Variants in ADGRL3 observed in about 807,000 individuals in gnomAD.
ADGRL3 encodes the protein calcium-independent alpha-latrotoxin receptor 3.
Under a neutral mutation model 153.5 loss-of-function variants are expected in ADGRL3, and 62 were observed. The observed-to-expected ratio is 0.40, with a 90% CI of 0.33 to 0.50. The LOEUF (loss-of-function observed/expected upper bound fraction) is 0.50, where lower values mean the gene tolerates loss of function less well. ADGRL3 is among the 20% of genes least tolerant of loss of function. The probability of loss-of-function intolerance (pLI) is 0.47; values close to 1 mark genes in which losing one functional copy is unlikely to be tolerated. For synonymous variants in ADGRL3, 710 were observed against 672.5 expected, an observed-to-expected ratio of 1.06 and a Z score of -0.86; for missense variants, 1,641 against 1,859.4, an observed-to-expected ratio of 0.88 and a Z score of 2.16.
At chr4:61,854,400 AATTTG>A (rs1171080220) in intron 9 of ADGRL3, among the ~76,000 whole-genome samples, 1 of 152,234 alleles carries the variant, frequency 6.6e-6, no homozygotes, top group Non-Finnish European at 1.5e-5. Flanking sequence ...CTCAAAAAAT[AATTTG>A]ATAGGAATAT....
intron 1 of ADGRL3, among the ~76,000 whole-genome samples, chr4:61,321,312 C>T (rs192735177): frequency 2.0e-5 from 3 of 151,932 alleles, no homozygotes; most frequent in African/African-American, 7.3e-5. Context: ...AGTTGGTAGT[C>T]CCAGCGTTTC....
At chr4:61,645,636 A>G (rs1355785803) in intron 5 of ADGRL3, among the ~76,000 whole-genome samples, 1 of 152,136 alleles carries the variant, frequency 6.6e-6, no homozygotes, top group African/African-American at 2.4e-5. Flanking sequence ...TGGCTTGTAG[A>G]GTTTCTGCCG....
chr4:61,613,649 C>T (rs530308277), intron 5 of ADGRL3, among the ~76,000 whole-genome samples: 1 of 152,256 alleles, frequency 6.6e-6, no homozygotes, highest in East Asian at 1.9e-4. Context: ...GAGATTGAGG[C>T]AGGAGAATCT....
chr4:61,960,072 A>G (rs2098982214), intron 17 of ADGRL3, among the ~76,000 whole-genome samples: 1 of 152,198 alleles, frequency 6.6e-6, no homozygotes. Flanking sequence ...AAAACGTAAG[A>G]TTTTATTACA....
intron 5 of ADGRL3, among the ~76,000 whole-genome samples, chr4:61,630,408 T>C (rs1274820999): frequency 1.3e-5 from 2 of 152,228 alleles, no homozygotes; most frequent in Non-Finnish European, 2.9e-5. Context: ...AGAAATATTT[T>C]TGGAAAAATA....
chr4:61,223,851 T>C (rs1746731533), intron 1 of ADGRL3, among the ~76,000 whole-genome samples: 1 of 152,170 alleles, frequency 6.6e-6, no homozygotes, highest in South Asian at 2.1e-4. Flanking sequence ...AAGGAATGAT[T>C]TGTGGGCGTT....
chr4:61,648,785 A>G (rs1220760680), intron 5 of ADGRL3, among the ~76,000 whole-genome samples: 2 of 152,002 alleles, frequency 1.3e-5, no homozygotes, highest in Non-Finnish European at 2.9e-5. Context: ...TATCATTTCA[A>G]TTACTTCTCA....
intron 2 of ADGRL3, among the ~76,000 whole-genome samples, chr4:61,454,268 A>G (rs1365749976): frequency 1.1e-4 from 17 of 152,128 alleles, no homozygotes; most frequent in Non-Finnish European, 2.9e-5. Context: ...GGTTAAAAAC[A>G]ATCTGTGCTA....
At chr4:61,405,913 T>G (rs2152197461) in intron 2 of ADGRL3, among the ~76,000 whole-genome samples, 1 of 152,134 alleles carries the variant, frequency 6.6e-6, no homozygotes, top group East Asian at 1.9e-4. Flanking sequence ...AGAAATACTC[T>G]TTGCCAGATG....
At chr4:61,775,014 G>C (rs2097131345) in intron 8 of ADGRL3, among the ~76,000 whole-genome samples, 1 of 152,184 alleles carries the variant, frequency 6.6e-6, no homozygotes, top group South Asian at 2.1e-4. Flanking sequence ...TTTCCTAGTA[G>C]AGAGGAGAGA....
chr4:62,046,337 T>C (rs1731114139), intron 25 of ADGRL3, among the ~76,000 whole-genome samples: 3 of 151,956 alleles, frequency 2.0e-5, no homozygotes, highest in Admixed American at 2.0e-4. Context: ...GTAAGGTGTG[T>C]CAGTTCAGTA....
intron 17 of ADGRL3, among the ~76,000 whole-genome samples, chr4:61,950,780 G>A (rs78461556): frequency 0.034 from 5,163 of 152,240 alleles, 301 homozygotes; most frequent in African/African-American, 0.12. Context: ...CAGGCGATGC[G>A]TCTTGGAGTC....
At chr4:61,644,205 G>T (rs573840229) in intron 5 of ADGRL3, among the ~76,000 whole-genome samples, 5 of 146,740 alleles carry the variant, frequency 3.4e-5, no homozygotes, top group African/African-American at 7.6e-5. Flanking sequence ...TCTTGCTAGC[G>T]GTCTATCAAT....
At chr4:61,327,461 C>G (rs558427114) in intron 1 of ADGRL3, among the ~76,000 whole-genome samples, 1 of 151,592 alleles carries the variant, frequency 6.6e-6, no homozygotes, top group Non-Finnish European at 1.5e-5. Flanking sequence ...AGAGAGATTA[C>G]ACATTTAAGA....
chr4:61,634,862 A>G (rs2093347586), intron 5 of ADGRL3, among the ~76,000 whole-genome samples: 2 of 152,208 alleles, frequency 1.3e-5, no homozygotes, highest in Non-Finnish European at 2.9e-5. Flanking sequence ...TATACAGGAT[A>G]TATAATGACT....
chr4:61,434,273 G>C (rs548022209), intron 2 of ADGRL3, among the ~76,000 whole-genome samples: 2 of 152,052 alleles, frequency 1.3e-5, no homozygotes, highest in African/African-American at 2.4e-5. Flanking sequence ...AATGGTCATG[G>C]TGGGAAAAAT....
intron 17 of ADGRL3, among the ~76,000 whole-genome samples, chr4:61,965,501 G>A (rs1340795962): frequency 6.6e-6 from 1 of 152,100 alleles, no homozygotes; most frequent in Non-Finnish European, 1.5e-5. Flanking sequence ...TGTAATCCCA[G>A]CACTTTAGGA....
rs1561348861 is a variant in ADGRL3 at position 61,846,946 on chromosome 4, T to TTGTGTGTGTGTGTGTGTGTGTGTG, written c.1480+33058_1480+33059insGTGTGTGTGTGTGTGTGTGTGTGT. Among the ~76,000 whole-genome samples, 3 of 123,830 alleles carry TTGTGTGTGTGTGTGTGTGTGTGTG rather than the reference T, an allele frequency of 2.4e-5. No individual in the cohort carries two copies. In the East Asian group the frequency reaches 7.4e-4, roughly 31 times the overall value. The allele number at this position is 123,830 out of a possible 152,430, so 81.2% of individuals were successfully genotyped here. On this transcript the variant is annotated intron_variant, in intron 9 of 26. Transcript: ENST00000683033. ...CAAGCCGTGAGGGATATTTTATATA[T>TTGTGTGTGTGTGTGTGTGTGTGTG]TATGTGTGTGTGTGTGTGTGTGTGT...
At chr4:61,451,991 A>G (rs999808801) in intron 2 of ADGRL3, among the ~76,000 whole-genome samples, 3 of 152,176 alleles carry the variant, frequency 2.0e-5, no homozygotes, top group Non-Finnish European at 4.4e-5. Flanking sequence ...ATTGCCATCT[A>G]CCTACATAAA....
Sources: allele counts gnomAD v4.1 joint callset (sites outside exome capture counted in the v4.1 genomes callset), GRCh38; gene constraint gnomAD v4.1.1; transcripts MANE v1.5; gene names NCBI Gene and HGNC (gene_info 2026-07-23, HGNC 2026-07-21).